Variants in CA8 observed in about 807,000 individuals in gnomAD.
The protein encoded by CA8 is carbonic anhydrase 8 (inactive), also known as carbonic anhydrase-related protein.
In CA8, 22 loss-of-function variants were observed where a neutral mutation model predicts 41.4. The observed-to-expected ratio is 0.53, with a 90% CI of 0.38 to 0.76. The LOEUF is 0.76. Among genes scored for constraint, CA8 ranks in the 30% least tolerant of loss-of-function variants. The pLI, the probability that CA8 is intolerant of heterozygous loss-of-function variation, is 0.00. For missense variants in CA8, 270 were observed against 352.8 expected, an observed-to-expected ratio of 0.77 and a Z score of 1.88; for synonymous variants, 121 against 130.6, an observed-to-expected ratio of 0.93 and a Z score of 0.50.
chr8:60,250,754 A>G (rs1808413521), intron 3 of CA8, among the ~76,000 whole-genome samples: 1 of 152,212 alleles, frequency 6.6e-6, no homozygotes, highest in African/African-American at 2.4e-5. Context: ...AAGACATTCA[A>G]TAAATATTTA....
At chr8:60,262,452 A>G (rs940439239) in intron 3 of CA8, among the ~76,000 whole-genome samples, 1 of 152,228 alleles carries the variant, frequency 6.6e-6, no homozygotes, top group African/African-American at 2.4e-5. Context: ...AACACACAAG[A>G]ATTAATTTTA....
intron 8 of CA8, 137 bp downstream of exon 8, chr8:60,208,613 G>T: frequency 1.3e-6 from 1 of 745,048 alleles, no homozygotes; most frequent in Non-Finnish European, 2.3e-6. Flanking sequence ...CAGAGCTCAA[G>T]AATGTGTCAT....
At position 60,190,084 on chromosome 8, in the gene CA8, C is replaced by T. The variant is rs564085503; in HGVS notation, c.*36-99G>A. 7 of 150,792 alleles carry T rather than the reference C, an allele frequency of 4.6e-5. No individual in the cohort carries two copies. The South Asian group carries it at 6.3e-4, about 14-fold the overall frequency. The allele number at this position is 150,792 out of a possible 1,614,324, so 9.3% of individuals were successfully genotyped here. A position where few individuals can be genotyped will look rare whatever the true frequency, so the allele number is the denominator to read the frequency against. ...TTTACAGTACAAGAGATAGTAAAAA[C>T]TAAAAATTTCATAAGAAAATGTGGA... On this transcript the variant is annotated intron_variant, in intron 8 of 8. Transcript: ENST00000317995.
At chr8:60,246,835 T>A in intron 3 of CA8, among the ~76,000 whole-genome samples, 1 of 151,304 alleles carries the variant, frequency 6.6e-6, no homozygotes, top group Non-Finnish European at 1.5e-5. Flanking sequence ...GGATAGAAAG[T>A]GTAATAAAAA....
In CA8 at chr8:60,222,293, C is replaced by T. The variant is rs551882941; in HGVS notation, c.738+356G>A. Reference sequence around the variant, plus strand: ...CACCAAGGCAAAACTATTTCAAAGCCTATGAGTGACTTACAGAAATAACCG... The same window carrying T: ...CACCAAGGCAAAACTATTTCAAAGCTTATGAGTGACTTACAGAAATAACCG... On this transcript the variant is annotated intron_variant, in intron 7 of 8. Coordinates refer to ENST00000317995, the MANE Select transcript of CA8 (RefSeq NM_004056.6). Among the ~76,000 whole-genome samples, 3 of 152,182 alleles carry T rather than the reference C, an allele frequency of 2.0e-5. No individual in the cohort carries two copies. In the East Asian group the frequency reaches 5.8e-4, roughly 29 times the overall value.
rs115196923 is a variant in CA8, at chr8:60,239,806, C to A, written c.418-7427G>T. Among the ~76,000 whole-genome samples the A allele has an allele frequency of 5.3e-5, 8 of 152,278 alleles. No individual in the cohort carries two copies. In the South Asian group the frequency reaches 1.7e-3, roughly 32 times the overall value. On this transcript the variant is annotated intron_variant, in intron 3 of 8. Coordinates refer to ENST00000317995, the MANE Select transcript of CA8 (RefSeq NM_004056.6). ...TCCTCGTGGTAGTGAATAAATCTCA[C>A]GAGATCTGATGATTTCAAAAGGGGT...
chr8:60,228,954 CA>C (rs1437887024), intron 4 of CA8, among the ~76,000 whole-genome samples: 2 of 152,136 alleles, frequency 1.3e-5, no homozygotes, highest in East Asian at 3.8e-4. Context: ...CAGCAAAAAG[CA>C]AGTACTGATG....
intron 3 of CA8, among the ~76,000 whole-genome samples, chr8:60,250,315 T>C (rs1407541006): frequency 6.6e-6 from 1 of 152,178 alleles, no homozygotes; most frequent in African/African-American, 2.4e-5. Context: ...ATGGCAACTG[T>C]CAAATTCAAA....
intron 2 of CA8, among the ~76,000 whole-genome samples, chr8:60,274,361 G>C (rs548670567): frequency 4.6e-5 from 7 of 152,286 alleles, no homozygotes; most frequent in Admixed American, 3.9e-4. Context: ...CGGCGGTAGG[G>C]GGGTGGTGCT....
chr8:60,226,265 C>T (rs1044853635), intron 5 of CA8, among the ~76,000 whole-genome samples: 1 of 151,978 alleles, frequency 6.6e-6, no homozygotes, highest in African/African-American at 2.4e-5. Flanking sequence ...TAACTCTTTG[C>T]TCCTGGGATA....
At chr8:60,218,134 T>C (rs183961730) in intron 7 of CA8, among the ~76,000 whole-genome samples, 89 of 152,258 alleles carry the variant, frequency 5.8e-4, no homozygotes, top group African/African-American at 2.1e-3. Context: ...GACACAAGCA[T>C]ACAGACACTT....
chr8:60,241,905 A>G (rs894645444), intron 3 of CA8, among the ~76,000 whole-genome samples: 3 of 152,200 alleles, frequency 2.0e-5, no homozygotes, highest in South Asian at 2.1e-4. Context: ...TGTTCATTCT[A>G]TACAGTGAAT....
At chr8:60,255,253 C>T (rs1172020468) in intron 3 of CA8, among the ~76,000 whole-genome samples, 1 of 151,860 alleles carries the variant, frequency 6.6e-6, no homozygotes, top group Admixed American at 6.6e-5. Context: ...AGCCCCCCAC[C>T]GCCCTACCTT....
intron 3 of CA8, among the ~76,000 whole-genome samples, chr8:60,253,772 T>G (rs542204133): frequency 6.6e-6 from 1 of 152,274 alleles, no homozygotes; most frequent in Non-Finnish European, 1.5e-5. Flanking sequence ...CTCCCCAGCC[T>G]TGTTTACCCA....
At chr8:60,192,921 C>T (rs901396784) in intron 8 of CA8, among the ~76,000 whole-genome samples, 13 of 140,772 alleles carry the variant, frequency 9.2e-5, no homozygotes, top group Non-Finnish European at 1.4e-4. Context: ...ACCCTCTTTC[C>T]TCCTGTCAAC....
At chr8:60,196,897 T>C (rs1286733172) in intron 8 of CA8, among the ~76,000 whole-genome samples, 1 of 152,122 alleles carries the variant, frequency 6.6e-6, no homozygotes. Flanking sequence ...TCGATGCACA[T>C]GAATACACAG....
At chr8:60,241,548 G>T (rs1808028458) in intron 3 of CA8, among the ~76,000 whole-genome samples, 1 of 152,086 alleles carries the variant, frequency 6.6e-6, no homozygotes. Context: ...AACACCATTG[G>T]ACTCTTCTCC....
chr8:60,207,050 T>C (rs565855464), intron 8 of CA8, among the ~76,000 whole-genome samples: 10 of 152,196 alleles, frequency 6.6e-5, no homozygotes, highest in African/African-American at 2.4e-4. Context: ...AGCTCCTCCC[T>C]TCCTATGGCC....
intron 3 of CA8, among the ~76,000 whole-genome samples, chr8:60,255,564 A>G (rs1245393702): frequency 2.6e-5 from 4 of 152,230 alleles, no homozygotes; most frequent in Non-Finnish European, 5.9e-5. Flanking sequence ...TGATTCATTA[A>G]GCTGAGTTTA....
Sources: allele counts gnomAD v4.1 joint callset (sites outside exome capture counted in the v4.1 genomes callset), GRCh38; gene constraint gnomAD v4.1.1; transcripts MANE v1.5; gene names NCBI Gene and HGNC (gene_info 2026-07-23, HGNC 2026-07-21).